The following SEZ6L variants were observed in gnomAD, a reference collection of about 807,000 sequenced individuals.
SEZ6L encodes the protein seizure 6-like protein.
A neutral mutation model predicts 106.2 loss-of-function variants in SEZ6L; 37 were observed. The observed-to-expected ratio is 0.35, with a 90% CI of 0.27 to 0.46. The LOEUF is 0.46. Ranked by LOEUF, SEZ6L falls within the 20% of genes least tolerant of loss-of-function variation. The pLI, the probability that SEZ6L is intolerant of heterozygous loss-of-function variation, is 1.00. For synonymous variants in SEZ6L, 541 were observed against 570.4 expected (o/e 0.95, Z 0.73); for missense variants, 1,172 against 1,332.8 (o/e 0.88, Z 1.88).
intron 15 of SEZ6L, among the ~76,000 whole-genome samples, chr22:26,377,071 G>A (rs1164643099): frequency 6.6e-6 from 1 of 152,164 alleles, no homozygotes; most frequent in Non-Finnish European, 1.5e-5. Context: ...CGTGAGCCCA[G>A]GAGTTTGAGA....
intron 1 of SEZ6L, among the ~76,000 whole-genome samples, chr22:26,193,433 T>C (rs1569366958): frequency 6.6e-6 from 1 of 152,200 alleles, no homozygotes; most frequent in Non-Finnish European, 1.5e-5. Flanking sequence ...GACAGACCAA[T>C]GGCTGACCCT....
intron 12 of SEZ6L, among the ~76,000 whole-genome samples, chr22:26,355,249 G>A (rs2083404814): frequency 6.6e-6 from 1 of 152,180 alleles, no homozygotes; most frequent in Admixed American, 6.5e-5. Context: ...GACTGGAGAG[G>A]GTGAGTAGCT....
At chr22:26,291,742 A>G (rs2081114968) in intron 1 of SEZ6L, among the ~76,000 whole-genome samples, 1 of 152,180 alleles carries the variant, frequency 6.6e-6, no homozygotes, top group East Asian at 1.9e-4. Flanking sequence ...CAATCTGCCC[A>G]ACTGTACATG....
At chr22:26,261,011 G>A (rs938879522) in intron 1 of SEZ6L, among the ~76,000 whole-genome samples, 1 of 152,046 alleles carries the variant, frequency 6.6e-6, no homozygotes, top group Non-Finnish European at 1.5e-5. Flanking sequence ...TCATATGTTT[G>A]TTGGCCATTT....
chr22:26,194,942 A>G (rs982507385), intron 1 of SEZ6L, among the ~76,000 whole-genome samples: 38 of 152,230 alleles, frequency 2.5e-4, no homozygotes, highest in Non-Finnish European at 7.3e-5. Context: ...CTCAGCTTCC[A>G]GAACTGGTTG....
chr22:26,200,885 C>T (rs1169264970), intron 1 of SEZ6L, among the ~76,000 whole-genome samples: 1 of 152,048 alleles, frequency 6.6e-6, no homozygotes, highest in Non-Finnish European at 1.5e-5. Flanking sequence ...ACACATTCCC[C>T]ACCTCTCAGC....
intron 12 of SEZ6L, among the ~76,000 whole-genome samples, chr22:26,360,251 G>C (rs1185611156): frequency 3.3e-5 from 5 of 152,156 alleles, no homozygotes; most frequent in Admixed American, 2.6e-4. Context: ...TGGGGGTCCT[G>C]CTCCTAGGTC....
At chr22:26,175,619 G>A (rs1311321329) in intron 1 of SEZ6L, among the ~76,000 whole-genome samples, 1 of 152,068 alleles carries the variant, frequency 6.6e-6, no homozygotes, top group East Asian at 1.9e-4. Flanking sequence ...CTTTCCAGTT[G>A]AGGAAAGGAG....
chr22:26,339,543 CTT>C (rs1237870628), intron 9 of SEZ6L, among the ~76,000 whole-genome samples: 1 of 152,100 alleles, frequency 6.6e-6, no homozygotes, highest in Non-Finnish European at 1.5e-5. Flanking sequence ...GCATTGGAGT[CTT>C]TGAAAATGTG....
At chr22:26,236,054 G>A (rs376309671) in intron 1 of SEZ6L, among the ~76,000 whole-genome samples, 7 of 152,266 alleles carry the variant, frequency 4.6e-5, no homozygotes, top group East Asian at 1.9e-4. Flanking sequence ...CCCCTGTCTC[G>A]GGCAACTTGA....
At position 26,237,859 on chromosome 22, in the gene SEZ6L, G is replaced by A. The variant is rs534982490; in HGVS notation, c.95-54547G>A. 1.8e-4 allele frequency among the ~76,000 whole-genome samples: 27 copies of A among 152,158 alleles called. 1 individual carries two copies. In the South Asian group the frequency reaches 5.0e-3, roughly 28 times the overall value. On this transcript the variant is annotated intron_variant, in intron 1 of 16. Coordinates refer to ENST00000248933, the MANE Select transcript of SEZ6L (RefSeq NM_021115.5). Reference sequence around the variant, plus strand: ...GCACAAGTGTGCTATTTCACATGCCGGCTGTTTAAGTGTACACCTAGTTAC... The same window carrying A: ...GCACAAGTGTGCTATTTCACATGCCAGCTGTTTAAGTGTACACCTAGTTAC...
intron 12 of SEZ6L, among the ~76,000 whole-genome samples, chr22:26,356,982 G>C (rs964854292): frequency 4.0e-5 from 6 of 148,874 alleles, no homozygotes; most frequent in Non-Finnish European, 4.4e-5. Flanking sequence ...GACGGAGTCT[G>C]GCTCTGTTGC....
At chr22:26,264,641 G>A (rs140994945) in intron 1 of SEZ6L, among the ~76,000 whole-genome samples, 1 of 152,272 alleles carries the variant, frequency 6.6e-6, no homozygotes, top group African/African-American at 2.4e-5. Flanking sequence ...TGCTTTGATG[G>A]TTATTTAGTC....
intron 9 of SEZ6L, among the ~76,000 whole-genome samples, chr22:26,337,983 AAACACC>A (rs1349274140): frequency 6.6e-6 from 1 of 152,148 alleles, no homozygotes; most frequent in Non-Finnish European, 1.5e-5. Flanking sequence ...TGACCACCTG[AAACACC>A]AACATGGGTA....
chr22:26,256,825 C>A (rs1005515123), intron 1 of SEZ6L, among the ~76,000 whole-genome samples: 19 of 152,200 alleles, frequency 1.2e-4, no homozygotes, highest in African/African-American at 4.3e-4. Context: ...GGTTCTGATG[C>A]TCACTCAAGC....
chr22:26,322,859 A>G (rs1287391271), intron 9 of SEZ6L, among the ~76,000 whole-genome samples: 1 of 152,194 alleles, frequency 6.6e-6, no homozygotes, highest in Admixed American at 6.5e-5. Context: ...CTCTAAAAAC[A>G]CAACTGAACA....
In SEZ6L at chr22:26,227,542, G is replaced by C. The variant is rs187653243; in HGVS notation, c.94+57779G>C. Among the ~76,000 whole-genome samples, 153 of 152,184 alleles carry C rather than the reference G, an allele frequency of 1.0e-3. 1 individual carries two copies. Among genetic ancestry groups the C allele is most frequent in the Non-Finnish European group, 1.8e-3 (124 of 68,012 alleles). On this transcript the variant is annotated intron_variant, in intron 1 of 16. Transcript: ENST00000248933. ...CCCACCTCAGCCTTCTGAGTAGCTG[G>C]GGGGCTACAGGCATACGCCATCATG...
intron 9 of SEZ6L, among the ~76,000 whole-genome samples, chr22:26,319,512 A>C (rs145895994): frequency 5.3e-5 from 8 of 152,272 alleles, no homozygotes; most frequent in Middle Eastern, 6.8e-3. Flanking sequence ...TGTATGGTAC[A>C]TTTGACCATA....
At chr22:26,356,154 C>G (rs1044092183) in intron 12 of SEZ6L, among the ~76,000 whole-genome samples, 2 of 152,208 alleles carry the variant, frequency 1.3e-5, no homozygotes, top group African/African-American at 4.8e-5. Flanking sequence ...TCATGACACC[C>G]TTGGTGTCTC....
Sources: allele counts gnomAD v4.1 joint callset (sites outside exome capture counted in the v4.1 genomes callset), GRCh38; gene constraint gnomAD v4.1.1; transcripts MANE v1.5; gene names NCBI Gene and HGNC (gene_info 2026-07-23, HGNC 2026-07-21).